The following SYT10 variants were observed in gnomAD, a reference collection of about 807,000 sequenced individuals.
The protein encoded by SYT10 is synaptotagmin-10.
Under a neutral mutation model 51.1 loss-of-function variants are expected in SYT10, and 31 were observed. The ratio of observed to expected loss-of-function variants is 0.61; its 90% CI spans 0.46 to 0.82. SYT10 has a LOEUF of 0.82. SYT10 is among the 40% of genes least tolerant of loss of function. The probability of loss-of-function intolerance (pLI) is 0.00; values close to 1 mark genes in which losing one functional copy is unlikely to be tolerated. For missense variants in SYT10, 603 were observed against 634.0 expected (o/e 0.95, Z 0.53); for synonymous variants, 233 against 225.9 (o/e 1.03, Z -0.28).
chr12:33,409,670 C>T (rs1213239667), intron 2 of SYT10, among the ~76,000 whole-genome samples: 2 of 151,976 alleles, frequency 1.3e-5, no homozygotes, highest in African/African-American at 4.8e-5. Context: ...CCCCCTACCA[C>T]GCCCGGCTAA....
At position 33,439,565 on chromosome 12, in the gene SYT10, C is replaced by T; in HGVS notation, c.-43G>A. On this transcript the variant is annotated 5_prime_UTR_variant, in exon 1 of 7. Coordinates refer to ENST00000228567, the MANE Select transcript of SYT10 (RefSeq NM_198992.4). ...GTTTTCTCTTTTTTTCCCAGTTAGCCGTCTTTTCCTCTTCCCGTACCTCTA... is the reference window on the plus strand; with the variant it reads ...GTTTTCTCTTTTTTTCCCAGTTAGCTGTCTTTTCCTCTTCCCGTACCTCTA... 1 of 1,600,660 alleles carries T rather than the reference C, an allele frequency of 6.2e-7. No individual in the cohort carries two copies. Among genetic ancestry groups the T allele is most frequent in the Non-Finnish European group, 8.5e-7 (1 of 1,172,578 alleles).
At chr12:33,409,983 G>A in intron 2 of SYT10, among the ~76,000 whole-genome samples, 1 of 152,152 alleles carries the variant, frequency 6.6e-6, no homozygotes, top group East Asian at 1.9e-4. Context: ...ATAAAGGAAC[G>A]TTTAAAATAA....
At chr12:33,396,104 T>C (rs1158747383) in intron 3 of SYT10, among the ~76,000 whole-genome samples, 1 of 152,178 alleles carries the variant, frequency 6.6e-6, no homozygotes, top group Non-Finnish European at 1.5e-5. Context: ...TTATATGATC[T>C]AGACATGAGA....
intron 1 of SYT10, among the ~76,000 whole-genome samples, chr12:33,431,916 T>A (rs1285684801): frequency 6.6e-6 from 1 of 152,020 alleles, no homozygotes; most frequent in Non-Finnish European, 1.5e-5. Context: ...GGCCTGTATA[T>A]CTTTTATGAA....
Position 33,388,530 on chromosome 12 carries a change from C to T in SYT10, c.1078-3239G>A, listed in dbSNP as rs537145081. On this transcript the variant is annotated intron_variant, in intron 3 of 6. Transcript: ENST00000228567. Reference sequence around the variant, plus strand: ...TTGGGGCAAATAACCATTTGAAAGCCTGTTATAAAGTCTAGGATGCAGTAT... The same window carrying T: ...TTGGGGCAAATAACCATTTGAAAGCTTGTTATAAAGTCTAGGATGCAGTAT... Among the ~76,000 whole-genome samples the T allele has an allele frequency of 2.0e-4, 30 of 152,204 alleles. 1 individual carries two copies. In the East Asian group the frequency reaches 5.4e-3, roughly 27 times the overall value.
chr12:33,421,841 T>C (rs1866507677), intron 2 of SYT10, among the ~76,000 whole-genome samples: 1 of 152,112 alleles, frequency 6.6e-6, no homozygotes, highest in African/African-American at 2.4e-5. Context: ...CTTAAAGATC[T>C]TGTAGTACAT....
Position 33,439,407 on chromosome 12 carries a change from G to A in SYT10, c.116C>T (p.Pro39Leu), listed in dbSNP as rs757351182. Reference protein sequence around the residue: ...VEWEKCSGIFPRDRGSQGGSS... With the variant: ...VEWEKCSGIFLRDRGSQGGSS... ...TCCGCCCTGGCTGCCCCTGTCCCGAGGGAAGATGCCCGAGCACTTCTCCCA... is the reference window on the plus strand; with the variant it reads ...TCCGCCCTGGCTGCCCCTGTCCCGAAGGAAGATGCCCGAGCACTTCTCCCA... Residue 39 changes from proline to leucine, a missense_variant, in exon 1 of 7, where the codon CCT (proline) becomes CTT (leucine). Pro to Leu is a moderately conservative substitution (Grantham distance 98). Transcript: ENST00000228567. 5.6e-6 allele frequency: 9 copies of A among 1,614,018 alleles called. No homozygotes were observed. The highest frequency in any genetic ancestry group is 1.1e-5 in the South Asian group (1 of 91,094).
chr12:33,378,060 A>T (rs1866079729), intron 6 of SYT10, among the ~76,000 whole-genome samples: 1 of 152,148 alleles, frequency 6.6e-6, no homozygotes, highest in Admixed American at 6.6e-5. Flanking sequence ...TATTTTTCCT[A>T]TAATGCACAA....
At position 33,439,409 on chromosome 12, in the gene SYT10, G is replaced by T; in HGVS notation, c.114C>A (p.Phe38Leu). 1 of 1,614,112 alleles carries T rather than the reference G, an allele frequency of 6.2e-7. No individual in the cohort carries two copies. The highest frequency in any genetic ancestry group is 8.5e-7 in the Non-Finnish European group (1 of 1,180,026). Residue 38 changes from phenylalanine (F) to leucine (L), a missense_variant, in exon 1 of 7, where the codon TTC becomes TTA. Transcript: ENST00000228567. ...QVEWEKCSGI[F>L]PRDRGSQGGS... ...CGCCCTGGCTGCCCCTGTCCCGAGGGAAGATGCCCGAGCACTTCTCCCACT... is the reference window on the plus strand; with the variant it reads ...CGCCCTGGCTGCCCCTGTCCCGAGGTAAGATGCCCGAGCACTTCTCCCACT...
At chr12:33,418,711 C>T (rs74075228) in intron 2 of SYT10, among the ~76,000 whole-genome samples, 3,871 of 152,248 alleles carry the variant, frequency 0.025, 190 homozygotes, top group African/African-American at 0.089. Flanking sequence ...TTCTTACACC[C>T]TCAAAATATA....
chr12:33,385,360 G>T, intron 3 of SYT10, 69 bp from the exon 4 acceptor site: 1 of 1,566,702 alleles, frequency 6.4e-7, no homozygotes, highest in Non-Finnish European at 8.7e-7. Flanking sequence ...AATCATTTTA[G>T]TAGAATACTG....
intron 2 of SYT10, among the ~76,000 whole-genome samples, chr12:33,415,444 C>T (rs1866444743): frequency 6.6e-6 from 1 of 152,104 alleles, no homozygotes; most frequent in South Asian, 2.1e-4. Flanking sequence ...AAAAAGACCC[C>T]CTGACTTCAC....
chr12:33,401,562 T>C (rs1215978878), intron 3 of SYT10, among the ~76,000 whole-genome samples: 1 of 152,166 alleles, frequency 6.6e-6, no homozygotes, highest in Non-Finnish European at 1.5e-5. Context: ...ATACAAAATA[T>C]ATGCCTCTTG....
chr12:33,417,640 G>A (rs1409766796), intron 2 of SYT10, among the ~76,000 whole-genome samples: 1 of 152,224 alleles, frequency 6.6e-6, no homozygotes, highest in Admixed American at 6.5e-5. Flanking sequence ...AATGAGGAAT[G>A]TGGTCATGAA....
At chr12:33,397,733 T>C (rs1817871714) in intron 3 of SYT10, among the ~76,000 whole-genome samples, 1 of 151,862 alleles carries the variant, frequency 6.6e-6, no homozygotes, top group South Asian at 2.1e-4. Flanking sequence ...CCTCTTCCCC[T>C]AGGAAGAAGC....
chr12:33,424,573 A>G (rs565430046), intron 2 of SYT10, among the ~76,000 whole-genome samples: 1 of 152,196 alleles, frequency 6.6e-6, no homozygotes, highest in South Asian at 2.1e-4. Context: ...ATAATCAAGT[A>G]AATACATGAG....
Position 33,375,499 on chromosome 12 carries a change from G to A in SYT10, c.*1331C>T, listed in dbSNP as rs1355300454. The A allele has an allele frequency of 6.6e-6, 1 of 151,846 alleles. No individual in the cohort carries two copies. 9.4% of individuals were successfully genotyped at this position (151,846 alleles called of 1,614,324 possible). On this transcript the variant is annotated 3_prime_UTR_variant, in exon 7 of 7. Transcript: ENST00000228567. ...CACACATCTTAAAAGTAAGGTTGGG[G>A]TAATTCAGTATAGATACCTTCCAAC...
chr12:33,418,080 C>T (rs899879546), intron 2 of SYT10, among the ~76,000 whole-genome samples: 7 of 152,176 alleles, frequency 4.6e-5, no homozygotes, highest in African/African-American at 1.7e-4. Flanking sequence ...TTTAAACTTA[C>T]TCTAATCAGC....
chr12:33,437,861 A>G (rs1866650739), intron 1 of SYT10, among the ~76,000 whole-genome samples: 1 of 152,038 alleles, frequency 6.6e-6, no homozygotes, highest in Non-Finnish European at 1.5e-5. Flanking sequence ...AGTGCCTTCC[A>G]CTGAGTTTCA....
Sources: gnomAD v4.1 joint callset for allele counts (sites outside exome capture counted in the v4.1 genomes callset) on GRCh38, gnomAD v4.1.1 for gene constraint, MANE v1.5 for transcripts, NCBI Gene and HGNC (gene_info 2026-07-23, HGNC 2026-07-21) for gene names.